Variants in KATNAL2 observed in about 807,000 individuals in gnomAD.
The protein encoded by KATNAL2 is katanin catalytic subunit A1 like 2.
KATNAL2 carries 52 observed loss-of-function variants against 76.3 expected under a neutral mutation model. The ratio of observed to expected loss-of-function variants is 0.68; its 90% CI spans 0.55 to 0.86. The LOEUF (loss-of-function observed/expected upper bound fraction) is 0.86, where lower values mean the gene tolerates loss of function less well. KATNAL2 is among the 40% of genes least tolerant of loss of function. The pLI is 0.00. For synonymous variants in KATNAL2, 243 were observed against 244.2 expected (o/e 1.00, Z 0.05); for missense variants, 660 against 668.9 (o/e 0.99, Z 0.15).
At chr18:47,081,485 C>T (rs1048416100) in intron 15 of KATNAL2, among the ~76,000 whole-genome samples, 1 of 152,098 alleles carries the variant, frequency 6.6e-6, no homozygotes, top group Non-Finnish European at 1.5e-5. Flanking sequence ...AAAAATCCAG[C>T]ATATATTTTA....
intron 3 of KATNAL2, chr18:47,033,986 C>G (rs943179442): frequency 6.2e-7 from 1 of 1,613,494 alleles, no homozygotes; most frequent in Non-Finnish European, 8.5e-7. Context: ...AATTTCTTAG[C>G]CGAATCCCAG....
At position 47,078,313 on chromosome 18, in the gene KATNAL2, C is replaced by A. The variant is rs188666524; in HGVS notation, c.1211+852C>A. On this transcript the variant is annotated intron_variant, in intron 15 of 17. Transcript: ENST00000683218. ...TAGTGCATGCTAATTATCTGGGACCCCCCCCAAACCAGAAGTCATTGAAAA... is the reference window on the plus strand; with the variant it reads ...TAGTGCATGCTAATTATCTGGGACCACCCCCAAACCAGAAGTCATTGAAAA... 4.7e-3 allele frequency among the ~76,000 whole-genome samples: 714 copies of A among 152,218 alleles called. 4 individuals carry two copies. Among genetic ancestry groups the A allele is most frequent in the African/African-American group, 0.016 (674 of 41,528 alleles).
chr18:46,918,961 T>G (rs187867579), intron 1 of KATNAL2, among the ~76,000 whole-genome samples: 1 of 151,990 alleles, frequency 6.6e-6, no homozygotes, highest in Admixed American at 6.6e-5. Flanking sequence ...TAGGTATTTG[T>G]GTAATTGTTT....
chr18:47,094,097 T>C (rs1296275494), intron 15 of KATNAL2, among the ~76,000 whole-genome samples: 2 of 152,136 alleles, frequency 1.3e-5, no homozygotes, highest in Admixed American at 1.3e-4. Flanking sequence ...TTAATGCCAT[T>C]ATAAAAAGGC....
At chr18:47,071,953 C>CATT (rs2062020246) in intron 13 of KATNAL2, among the ~76,000 whole-genome samples, 10 of 43,950 alleles carry the variant, frequency 2.3e-4, no homozygotes, top group Non-Finnish European at 2.5e-4. Flanking sequence ...CCAATTTCTT[C>CATT]TTTTTTTTTT....
At position 47,071,953 on chromosome 18, in the gene KATNAL2, CTTTTTTTTTTTTTTTTTTTT is replaced by C. The variant is rs574265545; in HGVS notation, c.1008+2372_1008+2391del. Among the ~76,000 whole-genome samples the C allele has an allele frequency of 7.6e-3, 335 of 43,954 alleles. 4 individuals carry two copies. Among genetic ancestry groups the C allele is most frequent in the African/African-American group, 0.037 (307 of 8,346 alleles). 28.8% of individuals were successfully genotyped at this position (43,954 alleles called of 152,430 possible). On this transcript the variant is annotated intron_variant, in intron 13 of 17. Transcript: ENST00000683218. ...GAAACAATTCCTCTCCCAATTTCTTCTTTTTTTTTTTTTTTTTTTTTTTTTTTTTTTTTTTTTTACAGAGT... is the reference window on the plus strand; with the variant it reads ...GAAACAATTCCTCTCCCAATTTCTTCTTTTTTTTTTTTTTTTTTACAGAGT...
At chr18:46,952,393 G>GTTTTTTTTTTTTTTT (rs35596537) in intron 3 of KATNAL2, among the ~76,000 whole-genome samples, 1 of 64,408 alleles carries the variant, frequency 1.6e-5, no homozygotes, top group Non-Finnish European at 2.7e-5. Flanking sequence ...CTGCAGGTAT[G>GTTTTTTTTTTTTTTT]TTTTTTTTTT....
chr18:46,941,136 C>A (rs1314052786), intron 1 of KATNAL2, among the ~76,000 whole-genome samples: 2 of 151,972 alleles, frequency 1.3e-5, no homozygotes, highest in Non-Finnish European at 2.9e-5. Context: ...CCAGCTTGGC[C>A]AACATGGTGA....
At chr18:47,077,526 T>G in intron 15 of KATNAL2, 65 bp downstream of exon 15, 2 of 1,134,852 alleles carry the variant, frequency 1.8e-6, no homozygotes, top group East Asian at 2.4e-5. Flanking sequence ...AATAAAAATT[T>G]TATATTGACC....
chr18:47,033,982 T>G (rs755483790), intron 3 of KATNAL2: 14 of 1,613,616 alleles, frequency 8.7e-6, no homozygotes, highest in Non-Finnish European at 1.2e-5. Context: ...AGGCAATTTC[T>G]TAGCCGAATC....
intron 6 of KATNAL2, chr18:47,054,702 C>CCTG: frequency 2.5e-6 from 1 of 399,126 alleles, no homozygotes; most frequent in Non-Finnish European, 4.5e-6. Flanking sequence ...AAGTCTTAAC[C>CCTG]TCAAAGGTTA....
intron 13 of KATNAL2, among the ~76,000 whole-genome samples, chr18:47,072,637 C>T (rs533077282): frequency 4.6e-5 from 7 of 152,150 alleles, no homozygotes; most frequent in Non-Finnish European, 8.8e-5. Flanking sequence ...TCAGGTTTCA[C>T]CATGTTGCCC....
chr18:46,948,371 C>T (rs1599412233), intron 3 of KATNAL2, among the ~76,000 whole-genome samples: 1 of 151,440 alleles, frequency 6.6e-6, no homozygotes, highest in Middle Eastern at 3.5e-3. Context: ...CTCAGCCTCC[C>T]AAAGTGCTAG....
Position 47,071,906 on chromosome 18 carries a change from TAAAAAAAAA to T in KATNAL2, c.1008+2312_1008+2320del, listed in dbSNP as rs775058447. On this transcript the variant is annotated intron_variant, in intron 13 of 17. Transcript: ENST00000683218. Reference sequence around the variant, plus strand: ...TGGAGTGGGAGCAAAAAAAATTAATTAAAAAAAAAAAAAAGAGTGAGGAAACAATTCCTC... The same window carrying T: ...TGGAGTGGGAGCAAAAAAAATTAATTAAAAAGAGTGAGGAAACAATTCCTC... Among the ~76,000 whole-genome samples, 436 of 105,360 alleles carry T rather than the reference TAAAAAAAAA, an allele frequency of 4.1e-3. 5 individuals carry two copies. Among genetic ancestry groups the T allele is most frequent in the Non-Finnish European group, 7.2e-3 (367 of 50,754 alleles). 69.1% of individuals were successfully genotyped at this position (105,360 alleles called of 152,430 possible).
chr18:46,928,178 C>T (rs1268186793), intron 1 of KATNAL2, among the ~76,000 whole-genome samples: 2 of 152,118 alleles, frequency 1.3e-5, no homozygotes, highest in Non-Finnish European at 2.9e-5. Context: ...TTAGAGTTTC[C>T]GGTTTTTCTA....
chr18:47,084,493 G>C (rs1599827021), intron 15 of KATNAL2: 2 of 680,020 alleles, frequency 2.9e-6, no homozygotes, highest in Non-Finnish European at 5.3e-6. Flanking sequence ...GTATGTTCAG[G>C]AGATACCAAG....
chr18:46,920,017 A>G, intron 1 of KATNAL2: 4 of 1,271,998 alleles, frequency 3.1e-6, no homozygotes, highest in Non-Finnish European at 4.1e-6. Flanking sequence ...ACATAAACAC[A>G]AAACAGTAAG....
chr18:46,934,029 T>G (rs1388943769), intron 1 of KATNAL2, among the ~76,000 whole-genome samples: 1 of 151,656 alleles, frequency 6.6e-6, no homozygotes. Context: ...TGCCACATTT[T>G]CTTAATCCAG....
At chr18:47,099,026 C>G (rs923588282) in intron 15 of KATNAL2, 3 of 401,958 alleles carry the variant, frequency 7.5e-6, no homozygotes, top group Middle Eastern at 5.9e-4. Context: ...TTCCTTTCTG[C>G]TTTCCTCTCT....
Sources: allele counts gnomAD v4.1 joint callset (sites outside exome capture counted in the v4.1 genomes callset), GRCh38; gene constraint gnomAD v4.1.1; transcripts MANE v1.5; gene names NCBI Gene and HGNC (gene_info 2026-07-23, HGNC 2026-07-21).